The following USP34 variants were observed in gnomAD, a reference collection of about 807,000 sequenced individuals.
The protein encoded by USP34 is ubiquitin specific peptidase 34, also known as ubiquitin carboxyl-terminal hydrolase 34.
A neutral mutation model predicts 460.3 loss-of-function variants in USP34; 70 were observed. That is an observed-to-expected ratio of 0.15 (90% CI 0.13 to 0.19). The LOEUF (loss-of-function observed/expected upper bound fraction) is 0.19. Ranked by LOEUF, USP34 falls within the 10% of genes least tolerant of loss-of-function variation. The pLI is 1.00. For missense variants in USP34, 3,985 were observed against 4,236.2 expected (o/e 0.94, Z 1.65); for synonymous variants, 1,647 against 1,405.3 (o/e 1.17, Z -3.85).
intron 50 of USP34, among the ~76,000 whole-genome samples, chr2:61,245,951 A>G (rs1327232231): frequency 6.6e-6 from 1 of 152,178 alleles, no homozygotes; most frequent in Non-Finnish European, 1.5e-5. Context: ...GGTCCTCCCA[A>G]TAGGAGGTGA....
intron 15 of USP34, among the ~76,000 whole-genome samples, chr2:61,347,124 A>G (rs983015837): frequency 2.6e-5 from 4 of 152,172 alleles, no homozygotes. Context: ...TGGGCAACAG[A>G]GCGAGACCCT....
rs770217594 is a variant in USP34 at position 61,259,682 on chromosome 2, G to A, written c.5844+29C>T. The A allele has an allele frequency of 2.7e-5, 44 of 1,605,210 alleles. No individual in the cohort carries two copies. In the African/African-American group the frequency reaches 5.0e-4, roughly 18 times the overall value. Reference sequence around the variant, plus strand: ...ATTACAGGCATGAGCCACAGTGCCTGGCCTAGCCTCCATGATTCTTAAACA... The same window carrying A: ...ATTACAGGCATGAGCCACAGTGCCTAGCCTAGCCTCCATGATTCTTAAACA... On this transcript the variant is annotated intron_variant, in intron 44 of 79. Transcript: ENST00000398571.
At chr2:61,394,214 A>T (rs1693445110) in intron 5 of USP34, among the ~76,000 whole-genome samples, 1 of 152,224 alleles carries the variant, frequency 6.6e-6, no homozygotes, top group African/African-American at 2.4e-5. Context: ...CCTTATTTTC[A>T]AAGGCAAGAA....
chr2:61,279,045 A>G (rs1689457751), intron 39 of USP34, among the ~76,000 whole-genome samples: 1 of 152,072 alleles, frequency 6.6e-6, no homozygotes, highest in African/African-American at 2.4e-5. Context: ...AAATTACTTT[A>G]CAAGCAAGCA....
chr2:61,456,055 T>C (rs1271171383), intron 1 of USP34, among the ~76,000 whole-genome samples: 1 of 152,184 alleles, frequency 6.6e-6, no homozygotes, highest in African/African-American at 2.4e-5. Context: ...TGTATTTCTA[T>C]ACCTACCAGC....
intron 53 of USP34, 59 bp downstream of exon 53, chr2:61,241,501 T>TC: frequency 7.9e-7 from 1 of 1,272,890 alleles, no homozygotes; most frequent in Non-Finnish European, 1.1e-6. Flanking sequence ...ACTACAGTAT[T>TC]CCTTGCATAA....
chr2:61,235,004 T>C (rs1335675121), intron 57 of USP34, among the ~76,000 whole-genome samples: 2 of 152,166 alleles, frequency 1.3e-5, no homozygotes, highest in Non-Finnish European at 2.9e-5. Flanking sequence ...TATAATATTG[T>C]ATTGTTTTGA....
intron 1 of USP34, among the ~76,000 whole-genome samples, chr2:61,447,254 C>CCAA (rs1380226632): frequency 5.0e-5 from 3 of 59,670 alleles, no homozygotes; most frequent in African/African-American, 1.8e-4. Context: ...AACTGTCTTC[C>CCAA]AAAAAAAAAA....
intron 15 of USP34, among the ~76,000 whole-genome samples, chr2:61,344,965 A>C (rs1256614521): frequency 6.6e-6 from 1 of 152,088 alleles, no homozygotes; most frequent in Non-Finnish European, 1.5e-5. Flanking sequence ...TATACATTCA[A>C]ATAAAAAAAA....
In USP34 at chr2:61,288,815, G is replaced by A. The variant is rs757392275; in HGVS notation, c.4611C>T (p.Ser1537=). Residue 1537 remains serine (S), a synonymous_variant, in exon 34 of 80, where the codon TCC becomes TCT. Coordinates refer to ENST00000398571, the MANE Select transcript of USP34 (RefSeq NM_014709.4). ...CATCATGATAAGCTAAATCCAAATC[G>A]GATGGATCTACTGCAAACTGGCATA... The part of the protein sequence containing the change: ...KLICQFAVDP[S]DLDLAYHDVF... The A allele has an allele frequency of 9.9e-6, 16 of 1,613,636 alleles. No individual in the cohort carries two copies. The highest frequency in any genetic ancestry group is 4.0e-5 in the African/African-American group (3 of 74,882).
rs1689469168 is a variant in USP34, at chr2:61,279,447, A to C, written c.5256+797T>G. Among the ~76,000 whole-genome samples the C allele has an allele frequency of 1.3e-5, 2 of 152,170 alleles. 1 individual carries two copies. Among genetic ancestry groups the C allele is most frequent in the Middle Eastern group, 6.3e-3 (2 of 316 alleles). ...ACACTGGAAAAAACGCAAGTCTTTAAGTGGCAAGATTTGCTTTGAAATTTA... is the reference window on the plus strand; with the variant it reads ...ACACTGGAAAAAACGCAAGTCTTTACGTGGCAAGATTTGCTTTGAAATTTA... On this transcript the variant is annotated intron_variant, in intron 39 of 79. Coordinates refer to ENST00000398571, the MANE Select transcript of USP34 (RefSeq NM_014709.4).
rs1259480600 is a variant in USP34 at position 61,248,821 on chromosome 2, AC to A, written c.6222-139del. On this transcript the variant is annotated intron_variant, in intron 48 of 79. Transcript: ENST00000398571. Reference sequence around the variant, plus strand: ...GTAGTTCCCCTTATCCACAGGGGATACCTTCTGAGAACACCCCGTGTCTGCC... The same window carrying A: ...GTAGTTCCCCTTATCCACAGGGGATACTTCTGAGAACACCCCGTGTCTGCC... 256 of 709,262 alleles carry A rather than the reference AC, an allele frequency of 3.6e-4. 2 individuals are homozygous for A. The East Asian group carries it at 7.3e-3, about 20-fold the overall frequency. 43.9% of individuals were successfully genotyped at this position (709,262 alleles called of 1,614,324 possible). A position where few individuals can be genotyped will look rare whatever the true frequency, so the allele number is the denominator to read the frequency against.
At chr2:61,241,130 C>T (rs756284138) in intron 53 of USP34, among the ~76,000 whole-genome samples, 7 of 152,176 alleles carry the variant, frequency 4.6e-5, no homozygotes, top group East Asian at 3.9e-4. Context: ...CTGCAACCTC[C>T]GCCTCCCAGG....
chr2:61,320,935 G>C (rs571328196), intron 21 of USP34, among the ~76,000 whole-genome samples: 1 of 152,076 alleles, frequency 6.6e-6, no homozygotes, highest in Non-Finnish European at 1.5e-5. Flanking sequence ...GCTGGAACCC[G>C]GGAGGTGGAG....
intron 10 of USP34, among the ~76,000 whole-genome samples, chr2:61,356,244 T>C (rs1692099913): frequency 6.6e-6 from 1 of 151,262 alleles, no homozygotes; most frequent in Non-Finnish European, 1.5e-5. Context: ...TCCCAGCACT[T>C]TGGGAGGCCA....
intron 69 of USP34, among the ~76,000 whole-genome samples, chr2:61,209,195 T>G (rs1687204018): frequency 6.6e-6 from 1 of 152,230 alleles, no homozygotes; most frequent in South Asian, 2.1e-4. Context: ...AATCAACTGC[T>G]AATTATCTAC....
chr2:61,218,121 G>C (rs1208565549), intron 67 of USP34, among the ~76,000 whole-genome samples: 1 of 151,318 alleles, frequency 6.6e-6, no homozygotes, highest in Non-Finnish European at 1.5e-5. Flanking sequence ...ATCAGTATTA[G>C]GCATAATAGC....
rs547690935 is a variant in USP34 at position 61,188,595 on chromosome 2, G to A, written c.10148C>T (p.Thr3383Met). Residue 3383 changes from threonine (T) to methionine (M), a missense_variant, in exon 80 of 80, where the codon ACG becomes ATG. Physicochemically the swap from Thr to Met is moderately conservative, Grantham distance 81. Transcript: ENST00000398571. ...KTETREVLTP[T>M]STSDNETRDS... is the part of the protein sequence containing the mutation. ...TCTGGTCTCATTGTCAGAAGTGCTC[G>A]TTGGGGTCAGGACCTCCCTGGTTTC... is the stretch of plus-strand genomic sequence containing the variant. 1.6e-5 allele frequency: 26 copies of A among 1,614,134 alleles called. No homozygotes were observed. The highest frequency in any genetic ancestry group is 1.1e-4 in the South Asian group (10 of 91,082).
chr2:61,340,620 T>C (rs1397855718), intron 16 of USP34, among the ~76,000 whole-genome samples: 1 of 152,164 alleles, frequency 6.6e-6, no homozygotes, highest in Non-Finnish European at 1.5e-5. Context: ...CACATACCTA[T>C]TAAGGTATGT....
Sources: allele counts gnomAD v4.1 joint callset (sites outside exome capture counted in the v4.1 genomes callset), GRCh38; gene constraint gnomAD v4.1.1; transcripts MANE v1.5; gene names NCBI Gene and HGNC (gene_info 2026-07-23, HGNC 2026-07-21).